The following PCDHGA1 variants were observed in gnomAD, a reference collection of about 807,000 sequenced individuals.
PCDHGA1 encodes protocadherin gamma subfamily A, 1, also known as protocadherin gamma-A1.
PCDHGA1 carries 32 observed loss-of-function variants against 58.0 expected under a neutral mutation model. The ratio of observed to expected loss-of-function variants is 0.55; its 90% CI spans 0.42 to 0.74. The LOEUF is 0.74. PCDHGA1 is among the 30% of genes least tolerant of loss of function. The probability of loss-of-function intolerance (pLI) is 0.00; values close to 1 mark genes in which losing one functional copy is unlikely to be tolerated. For synonymous variants in PCDHGA1, 498 were observed against 501.1 expected (o/e 0.99, Z 0.08); for missense variants, 1,205 against 1,182.3 (o/e 1.02, Z -0.28).
intron 1 of PCDHGA1, among the ~76,000 whole-genome samples, chr5:141,353,952 A>G (rs1759424640): frequency 6.6e-6 from 1 of 152,214 alleles, no homozygotes; most frequent in Admixed American, 6.5e-5. Flanking sequence ...TAAGTGAGGA[A>G]TAAGCTTAAG....
In PCDHGA1 at chr5:141,486,421, G is replaced by C; in HGVS notation, c.2422-8386G>C. 1 of 1,614,152 alleles carries C rather than the reference G, an allele frequency of 6.2e-7. No individual in the cohort carries two copies. Among genetic ancestry groups the C allele is most frequent in the African/African-American group, 1.3e-5 (1 of 75,028 alleles). On this transcript the variant is annotated intron_variant, in intron 1 of 3. Coordinates refer to ENST00000517417, the MANE Select transcript of PCDHGA1 (RefSeq NM_018912.3). This position sits in a 1 kb window ranked among gnomAD's most constrained non-coding sequence, Gnocchi z 5.0. Reference sequence around the variant, plus strand: ...TGACTGCTGGACCCTTGGATCGAGAGGCCAAATCTAGCTATGACATCATGG... The same window carrying C: ...TGACTGCTGGACCCTTGGATCGAGACGCCAAATCTAGCTATGACATCATGG...
Position 141,476,129 on chromosome 5 carries a change from G to A in PCDHGA1, c.2422-18678G>A. ...GCTTTTGAGTGAGATGGTCCCAGAG[G>A]CCTGGAGGAGCGGACTGGTAAGCAC... On this transcript the variant is annotated intron_variant, in intron 1 of 3. Transcript: ENST00000517417. This position sits in a 1 kb window ranked among gnomAD's most constrained non-coding sequence, Gnocchi z 7.6. The A allele has an allele frequency of 6.2e-7, 1 of 1,606,848 alleles. No homozygotes were observed. The highest frequency in any genetic ancestry group is 8.5e-7 in the Non-Finnish European group (1 of 1,177,814).
intron 1 of PCDHGA1, chr5:141,357,808 AT>A: frequency 1.3e-6 from 1 of 767,124 alleles, no homozygotes; most frequent in African/African-American, 1.8e-5. Flanking sequence ...AATGTTGTTT[AT>A]TACTTATCCT....
rs1348785166 is a variant in PCDHGA1, at chr5:141,431,381, C to T, written c.2422-63426C>T. On this transcript the variant is annotated intron_variant, in intron 1 of 3. Coordinates refer to ENST00000517417, the MANE Select transcript of PCDHGA1 (RefSeq NM_018912.3). The surrounding 1 kb of genome is among the most constrained non-coding windows in gnomAD (Gnocchi z 4.8). Reference sequence around the variant, plus strand: ...CCTGGACCGCGAAGAAAAGGCTGCTCACCACCTGGTCCTTACGGCCTCCGA... The same window carrying T: ...CCTGGACCGCGAAGAAAAGGCTGCTTACCACCTGGTCCTTACGGCCTCCGA... 1.2e-6 allele frequency: 2 copies of T among 1,613,940 alleles called. No homozygotes were observed. Among genetic ancestry groups the T allele is most frequent in the Non-Finnish European group, 1.7e-6 (2 of 1,180,042 alleles).
At chr5:141,413,827 G>A (rs2154544774) in intron 1 of PCDHGA1, 1 of 1,613,200 alleles carries the variant, frequency 6.2e-7, no homozygotes. Context: ...GGTCCTCACC[G>A]CCTCCGACGG....
intron 1 of PCDHGA1, chr5:141,492,055 G>C (rs1335131646): frequency 4.1e-6 from 2 of 493,506 alleles, no homozygotes; most frequent in Non-Finnish European, 7.1e-6. Flanking sequence ...CACCCCTGCA[G>C]CCAGCCTCCT....
chr5:141,347,147 C>CTTTCTTTCTTTCTTTT (rs1757906217), intron 1 of PCDHGA1, among the ~76,000 whole-genome samples: 2 of 129,464 alleles, frequency 1.5e-5, no homozygotes, highest in African/African-American at 5.9e-5. Flanking sequence ...CTCTTTCTTT[C>CTTTCTTTCTTTCTTTT]TTTCTTTCTT....
rs770630741 is a variant in PCDHGA1, at chr5:141,381,826, C to CTTTTTT, written c.2421+48738_2421+48743dup. Among the ~76,000 whole-genome samples, 197 of 74,234 alleles carry CTTTTTT rather than the reference C, an allele frequency of 2.7e-3. 2 individuals carry two copies. Among genetic ancestry groups the CTTTTTT allele is most frequent in the African/African-American group, 3.6e-3 (59 of 16,186 alleles). The allele number at this position is 74,234 out of a possible 152,430, so 48.7% of individuals were successfully genotyped here. A position where few individuals can be genotyped will look rare whatever the true frequency, so the allele number is the denominator to read the frequency against. On this transcript the variant is annotated intron_variant, in intron 1 of 3. Coordinates refer to ENST00000517417, the MANE Select transcript of PCDHGA1 (RefSeq NM_018912.3). ...TTTCTTTCTTTCTTTCTTTCTTCTT[C>CTTTTTT]TTTTTTTTTTTTTTTTTTTTTTGGC...
intron 1 of PCDHGA1, chr5:141,427,842 C>A: frequency 6.5e-7 from 1 of 1,549,268 alleles, no homozygotes. Flanking sequence ...TGCCTTCGAC[C>A]ACGAGCAGCT....
chr5:141,355,035 T>C, intron 1 of PCDHGA1: 1 of 1,012,274 alleles, frequency 9.9e-7, no homozygotes, highest in Non-Finnish European at 1.4e-6. Flanking sequence ...TCACAAGATT[T>C]CTGCAGCACA....
chr5:141,388,937 C>T, intron 1 of PCDHGA1: 1 of 1,613,964 alleles, frequency 6.2e-7, no homozygotes, highest in Non-Finnish European at 8.5e-7. Context: ...AGTCTCTACC[C>T]AACCTAATTA....
chr5:141,344,724 A>G (rs1245379588), intron 1 of PCDHGA1: 3 of 1,613,796 alleles, frequency 1.9e-6, no homozygotes, highest in Non-Finnish European at 2.5e-6. Context: ...CATCCAAGTG[A>G]TAGTCCTGGA....
intron 1 of PCDHGA1, among the ~76,000 whole-genome samples, chr5:141,460,979 GTGTGTATATA>G (rs143444831): frequency 0.04 from 5,417 of 134,264 alleles, 125 homozygotes; most frequent in South Asian, 0.082. Context: ...GTGTGTGTGT[GTGTGTATATA>G]TATATATGTG....
intron 1 of PCDHGA1, among the ~76,000 whole-genome samples, chr5:141,451,703 A>G (rs975120935): frequency 6.6e-6 from 1 of 152,144 alleles, no homozygotes; most frequent in Non-Finnish European, 1.5e-5. Flanking sequence ...GTAACATGAC[A>G]AAACCCTGCC....
At chr5:141,339,309 A>G in intron 1 of PCDHGA1, 2 of 1,614,242 alleles carry the variant, frequency 1.2e-6, no homozygotes, top group South Asian at 2.2e-5. Context: ...CTGGAGGATA[A>G]ATTGACTATT....
chr5:141,427,193 CTT>C (rs2096998045), intron 1 of PCDHGA1: 3 of 456,614 alleles, frequency 6.6e-6, no homozygotes, highest in Non-Finnish European at 8.8e-6. Context: ...AATCCAAAGA[CTT>C]AATAGACTTC....
chr5:141,362,539 T>A (rs773303808), intron 1 of PCDHGA1: 1 of 1,613,828 alleles, frequency 6.2e-7, no homozygotes, highest in South Asian at 1.1e-5. Flanking sequence ...CCCTTTTGCC[T>A]CAGATACTAT....
chr5:141,355,444 G>C, intron 1 of PCDHGA1: 1 of 1,614,058 alleles, frequency 6.2e-7, no homozygotes, highest in Non-Finnish European at 8.5e-7. Flanking sequence ...CCCGCGCAGC[G>C]GCACCTTGGT....
Position 141,423,337 on chromosome 5 carries a change from A to G in PCDHGA1, c.2422-71470A>G, listed in dbSNP as rs769321122. The G allele has an allele frequency of 6.0e-5, 97 of 1,614,180 alleles. 1 individual carries two copies. The African/African-American group carries it at 8.9e-4, about 15-fold the overall frequency. ...GGTGGCGGTGGCCGCAGTCTCCTGC[A>G]TCTTCCTGGTCTTTGTCATCGTGCT... On this transcript the variant is annotated intron_variant, in intron 1 of 3. Coordinates refer to ENST00000517417, the MANE Select transcript of PCDHGA1 (RefSeq NM_018912.3).
Sources: allele counts gnomAD v4.1 joint callset (sites outside exome capture counted in the v4.1 genomes callset), GRCh38; gene constraint gnomAD v4.1.1; non-coding constraint Gnocchi (gnomAD v3.1); transcripts MANE v1.5; gene names NCBI Gene and HGNC (gene_info 2026-07-23, HGNC 2026-07-21).